Variants in NPIPB2 observed in about 807,000 individuals in gnomAD.
NPIPB2 encodes nuclear pore complex interacting protein family member B2.
In NPIPB2, 27 loss-of-function variants were observed where a neutral mutation model predicts 30.8. That is an observed-to-expected ratio of 0.88 (90% CI 0.65 to 1.21). NPIPB2 has a LOEUF of 1.21. Among genes scored for constraint, NPIPB2 ranks in the 50% most tolerant of loss-of-function variants. The pLI, the probability that NPIPB2 is intolerant of heterozygous loss-of-function variation, is 0.00. For synonymous variants in NPIPB2, 147 were observed against 162.0 expected (o/e 0.91, Z 0.70); for missense variants, 440 against 446.2 (o/e 0.99, Z 0.13).
At chr16:11,935,416 C>A (rs1343876566) in intron 2 of NPIPB2, among the ~76,000 whole-genome samples, 1 of 152,038 alleles carries the variant, frequency 6.6e-6, no homozygotes, top group African/African-American at 2.4e-5. Context: ...CAGATTCAAG[C>A]GATTCTTGTG....
chr16:11,955,852 G>A (rs558490965), intron 1 of NPIPB2, among the ~76,000 whole-genome samples: 1 of 150,888 alleles, frequency 6.6e-6, no homozygotes, highest in Admixed American at 6.7e-5. Flanking sequence ...GGAGAGAAAC[G>A]TTTAATCCCA....
intron 1 of NPIPB2, chr16:11,965,194 G>A (rs1415951259): frequency 1.1e-5 from 13 of 1,211,158 alleles, no homozygotes; most frequent in Non-Finnish European, 1.5e-5. Context: ...AAGAACCCAC[G>A]AAGCAGGCGA....
At position 11,967,826 on chromosome 16, in the gene NPIPB2, G is replaced by A. The variant is rs199882446; in HGVS notation, c.-584+8742C>T. ...CTGCTTTGAGTGCTACGGAGATAGA[G>A]AAATCAATTTCTGCTAGGTAATTAA... On this transcript the variant is annotated intron_variant, in intron 1 of 5. Coordinates refer to the NPIPB2 transcript ENST00000538896. 174 of 1,613,932 alleles carry A rather than the reference G, an allele frequency of 1.1e-4. No homozygotes were observed. In the East Asian group the frequency reaches 2.6e-3, roughly 24 times the overall value.
intron 1 of NPIPB2, among the ~76,000 whole-genome samples, chr16:11,969,665 G>C (rs1390192568): frequency 6.6e-6 from 1 of 152,192 alleles, no homozygotes. Context: ...TCTTGGCCTT[G>C]TGAGCTTCCA....
At chr16:11,959,501 G>A (rs1434823584) in intron 1 of NPIPB2, among the ~76,000 whole-genome samples, 1 of 151,930 alleles carries the variant, frequency 6.6e-6, no homozygotes, top group Non-Finnish European at 1.5e-5. Flanking sequence ...GAGGCGGGAG[G>A]ATTGTTTGAG....
At chr16:11,927,770 G>C in exon 8 of NPIPB2, 1 of 1,592,024 alleles carries the variant, frequency 6.3e-7, no homozygotes, top group Non-Finnish European at 8.5e-7. Context: ...ATGTTGTTGA[G>C]TTGGAGGAGG....
At chr16:11,969,678 T>C (rs999571756) in intron 1 of NPIPB2, among the ~76,000 whole-genome samples, 7 of 152,244 alleles carry the variant, frequency 4.6e-5, no homozygotes, top group African/African-American at 1.7e-4. Context: ...AGCTTCCAGC[T>C]TAATGAAAGC....
At chr16:11,969,636 T>A (rs2055222894) in intron 1 of NPIPB2, among the ~76,000 whole-genome samples, 1 of 152,216 alleles carries the variant, frequency 6.6e-6, no homozygotes, top group Non-Finnish European at 1.5e-5. Context: ...ACGAATTCAG[T>A]GTGCAGTGCA....
At chr16:11,931,969 C>T (rs1188928161) in intron 4 of NPIPB2, among the ~76,000 whole-genome samples, 6 of 150,790 alleles carry the variant, frequency 4.0e-5, no homozygotes, top group African/African-American at 1.5e-4. Context: ...CTTTTGCACA[C>T]ATGCGTGGGA....
chr16:11,953,883 C>CCA (rs1447164777), intron 1 of NPIPB2, among the ~76,000 whole-genome samples: 2 of 151,606 alleles, frequency 1.3e-5, no homozygotes, highest in Non-Finnish European at 2.9e-5. Flanking sequence ...ACCACGTTGG[C>CCA]CAGGCTAGTC....
At chr16:11,951,596 C>G (rs1036306816) in intron 1 of NPIPB2, among the ~76,000 whole-genome samples, 2 of 146,304 alleles carry the variant, frequency 1.4e-5, no homozygotes, top group Admixed American at 6.8e-5. Context: ...GGCACTGGCA[C>G]TGATACAGAT....
chr16:11,941,839 T>C lies in NPIPB2; in HGVS notation c.63+144A>G, dbSNP rs547456410. ...GTCCTCTCTGGAACCTTCACAAACC[T>C]GATTTCTGGTCCTCCCCAACCAGCT... On this transcript the variant is annotated intron_variant, in intron 1 of 7. Coordinates refer to ENST00000399147, the Ensembl canonical transcript of NPIPB2. 3.5e-6 allele frequency: 4 copies of C among 1,156,826 alleles called. No homozygotes were observed. The East Asian group carries it at 7.7e-5, about 22-fold the overall frequency. 71.7% of individuals were successfully genotyped at this position (1,156,826 alleles called of 1,614,324 possible). A position where few individuals can be genotyped will look rare whatever the true frequency, so the allele number is the denominator to read the frequency against.
chr16:11,952,727 G>A (rs2055078836), intron 1 of NPIPB2, among the ~76,000 whole-genome samples: 1 of 151,888 alleles, frequency 6.6e-6, no homozygotes, highest in South Asian at 2.1e-4. Flanking sequence ...ACCATGCCTG[G>A]CTAATTTTTG....
rs556221212 is a variant in NPIPB2 at position 11,964,667 on chromosome 16, G to C, written c.-584+11901C>G. Among the ~76,000 whole-genome samples, 7 of 152,184 alleles carry C rather than the reference G, an allele frequency of 4.6e-5. No individual in the cohort carries two copies. The South Asian group carries it at 1.5e-3, about 32-fold the overall frequency. On this transcript the variant is annotated intron_variant, in intron 1 of 5. Coordinates refer to the NPIPB2 transcript ENST00000538896. Reference sequence around the variant, plus strand: ...TGACCTCAAGTGATCCACCTGCCTCGGCCTCCCAAAGTGCTGGGATTACAG... The same window carrying C: ...TGACCTCAAGTGATCCACCTGCCTCCGCCTCCCAAAGTGCTGGGATTACAG...
chr16:11,949,301 C>T (rs1264720489), intron 1 of NPIPB2, among the ~76,000 whole-genome samples: 2 of 152,140 alleles, frequency 1.3e-5, no homozygotes, highest in African/African-American at 4.8e-5. Context: ...AGCAACCTTG[C>T]AAAATAGGTA....
At chr16:11,932,022 G>A (rs1373490136) in intron 4 of NPIPB2, among the ~76,000 whole-genome samples, 2 of 150,946 alleles carry the variant, frequency 1.3e-5, no homozygotes, top group African/African-American at 2.4e-5. Flanking sequence ...CAATGAAAGC[G>A]ACCCATACTG....
At chr16:11,974,979 G>A (rs1327784150) in intron 1 of NPIPB2, among the ~76,000 whole-genome samples, 1 of 151,066 alleles carries the variant, frequency 6.6e-6, no homozygotes, top group East Asian at 2.0e-4. Context: ...GCAGGCTGAG[G>A]CAGGAGAATC....
intron 2 of NPIPB2, 125 bp from the exon 3 acceptor site, chr16:11,934,049 G>T: frequency 1.4e-6 from 1 of 696,238 alleles, no homozygotes; most frequent in Non-Finnish European, 2.5e-6. Context: ...TGGCCAAGAT[G>T]GTGAAACCCC....
intron 1 of NPIPB2, among the ~76,000 whole-genome samples, chr16:11,970,960 C>T (rs1412146268): frequency 1.3e-5 from 2 of 151,768 alleles, no homozygotes; most frequent in Non-Finnish European, 2.9e-5. Context: ...CTCAGGTGAC[C>T]CTCCCACCTC....
Sources: gnomAD v4.1 joint callset for allele counts (sites outside exome capture counted in the v4.1 genomes callset) on GRCh38, gnomAD v4.1.1 for gene constraint, MANE v1.5 for transcripts, NCBI Gene and HGNC (gene_info 2026-07-23, HGNC 2026-07-21) for gene names.